OBI1: variants seen among roughly 807,000 people sequenced by gnomAD.
OBI1 encodes ORC ubiquitin ligase 1, also known as ring finger protein 219.
OBI1 carries 59 observed loss-of-function variants against 62.4 expected under a neutral mutation model. The observed-to-expected ratio is 0.95, with a 90% confidence interval of 0.77 to 1.17. OBI1 has a LOEUF of 1.17. OBI1 is among the 50% of genes most tolerant of loss of function. The pLI is 0.00. For missense variants in OBI1, 875 were observed against 830.9 expected (o/e 1.05, Z -0.65); for synonymous variants, 302 against 292.8 (o/e 1.03, Z -0.32).
intron 1 of OBI1, among the ~76,000 whole-genome samples, chr13:78,648,804 T>C (rs1278469991): frequency 1.3e-5 from 2 of 151,848 alleles, no homozygotes; most frequent in Non-Finnish European, 2.9e-5. Flanking sequence ...TCCCAGCTAC[T>C]TGGGAGGCTG....
chr13:78,656,036 A>T (rs1219092567), intron 1 of OBI1, among the ~76,000 whole-genome samples: 1 of 152,230 alleles, frequency 6.6e-6, no homozygotes, highest in Non-Finnish European at 1.5e-5. Flanking sequence ...TTGGGAATGC[A>T]AATCTTCATT....
At chr13:78,621,838 G>GC (rs1875522108) in intron 5 of OBI1, among the ~76,000 whole-genome samples, 1 of 152,150 alleles carries the variant, frequency 6.6e-6, no homozygotes, top group Non-Finnish European at 1.5e-5. Flanking sequence ...GAGAGCAAAC[G>GC]ATAAAATGCT....
At chr13:78,638,586 T>C (rs1222316775) in intron 4 of OBI1, among the ~76,000 whole-genome samples, 1 of 152,212 alleles carries the variant, frequency 6.6e-6, no homozygotes, top group South Asian at 2.1e-4. Flanking sequence ...TGCAATCTTA[T>C]ACAGAAGCAC....
At chr13:78,621,625 T>C (rs559744284) in intron 5 of OBI1, among the ~76,000 whole-genome samples, 2 of 152,374 alleles carry the variant, frequency 1.3e-5, no homozygotes, top group Admixed American at 6.5e-5. Context: ...AATGTAGTTA[T>C]GGAAGAAATC....
Position 78,616,184 on chromosome 13 carries a change from C to T in OBI1, c.1577G>A (p.Ser526Asn), listed in dbSNP as rs370680484. Residue 526 changes from serine to asparagine, a missense_variant, in exon 6 of 6, where the codon AGT becomes AAT. Physicochemically the swap from Ser to Asn is conservative, Grantham distance 46. Coordinates refer to ENST00000282003, the MANE Select transcript of OBI1 (RefSeq NM_024546.4). The part of the protein sequence containing the change: ...SFEMNRTRTS[S>N]EASMDAAYLD... ...GTAAGCAGCATCCATCGATGCTTCA[C>T]TGGATGTTCTTGTCCGGTTCATTTC... The T allele has an allele frequency of 8.7e-6, 14 of 1,613,964 alleles. No individual in the cohort carries two copies. Among genetic ancestry groups the T allele is most frequent in the African/African-American group, 1.3e-5 (1 of 74,922 alleles).
intron 5 of OBI1, among the ~76,000 whole-genome samples, chr13:78,628,543 T>C (rs2137438622): frequency 6.6e-6 from 1 of 152,264 alleles, no homozygotes; most frequent in Admixed American, 6.5e-5. Context: ...AGAAACAAAG[T>C]CTAGTAGAAC....
chr13:78,632,528 C>T (rs1875885570), intron 5 of OBI1, among the ~76,000 whole-genome samples: 1 of 152,116 alleles, frequency 6.6e-6, no homozygotes, highest in South Asian at 2.1e-4. Context: ...AAAAAGTATA[C>T]CCTGACACCT....
intron 5 of OBI1, among the ~76,000 whole-genome samples, chr13:78,619,458 A>G (rs1875439325): frequency 6.6e-6 from 1 of 151,910 alleles, no homozygotes; most frequent in African/African-American, 2.4e-5. Flanking sequence ...AGCAGATCAC[A>G]TATGAGAGGC....
chr13:78,657,671 A>G (rs1018231343), intron 1 of OBI1, among the ~76,000 whole-genome samples: 1 of 152,222 alleles, frequency 6.6e-6, no homozygotes, highest in African/African-American at 2.4e-5. Context: ...ACAGCCTATA[A>G]CTAATGGAAA....
chr13:78,645,094 A>T, intron 1 of OBI1, 97 bp from the exon 2 acceptor site: 1 of 1,204,694 alleles, frequency 8.3e-7, no homozygotes, highest in Non-Finnish European at 1.2e-6. Context: ...AGATTATAGC[A>T]GAGTAGGAGT....
chr13:78,644,895 T>TG lies in OBI1; in HGVS notation c.174dup (p.Ile59HisfsTer4). Reference sequence around the variant, plus strand: ...TCTTTGCAAGGATTTTCAGGAGTGATGGGGACTCTGCAAGCTGGACACTGG... The same window carrying TG: ...TCTTTGCAAGGATTTTCAGGAGTGATGGGGGACTCTGCAAGCTGGACACTGG... On this transcript the variant is annotated frameshift_variant, in exon 2 of 6. Coordinates refer to ENST00000282003, the MANE Select transcript of OBI1 (RefSeq NM_024546.4). LOFTEE classifies it high-confidence loss of function. 1 of 1,614,074 alleles carries TG rather than the reference T, an allele frequency of 6.2e-7. No individual in the cohort carries two copies. Among genetic ancestry groups the TG allele is most frequent in the Non-Finnish European group, 8.5e-7 (1 of 1,179,968 alleles).
intron 4 of OBI1, among the ~76,000 whole-genome samples, chr13:78,638,357 A>G (rs1272129617): frequency 6.6e-6 from 1 of 152,240 alleles, no homozygotes; most frequent in Non-Finnish European, 1.5e-5. Context: ...ATTAGTCACC[A>G]AGTCTTTATC....
Position 78,615,989 on chromosome 13 carries a change from A to G in OBI1, c.1772T>C (p.Leu591Pro). 1.9e-6 allele frequency: 3 copies of G among 1,614,086 alleles called. No individual in the cohort carries two copies. Among genetic ancestry groups the G allele is most frequent in the Non-Finnish European group, 2.5e-6 (3 of 1,180,014 alleles). The change falls in exon 6 of 6, where the codon CTT becomes CCT. Residue 591 changes from leucine to proline, a missense_variant. By Grantham distance (98) the Leu-to-Pro change is moderately conservative. Transcript: ENST00000282003. ...ATCATTAGTTAGAGAACCTTTGGAAAGGTTTAGCTCAGTTTTTTCTTCCAA... is the reference window on the plus strand; with the variant it reads ...ATCATTAGTTAGAGAACCTTTGGAAGGGTTTAGCTCAGTTTTTTCTTCCAA... ...DKLEEKTELN[L>P]SKGSLTNDQL...
chr13:78,616,154 T>C lies in OBI1; in HGVS notation c.1607A>G (p.Asp536Gly). The C allele has an allele frequency of 6.2e-7, 1 of 1,614,160 alleles. No homozygotes were observed. Among genetic ancestry groups the C allele is most frequent in the Admixed American group, 1.7e-5 (1 of 60,034 alleles). Reference sequence around the variant, plus strand: ...CATTGAATCCAACTCAGAGATTTTGTCAAGGTAAGCAGCATCCATCGATGC... The same window carrying C: ...CATTGAATCCAACTCAGAGATTTTGCCAAGGTAAGCAGCATCCATCGATGC... Reference protein sequence around the residue: ...SEASMDAAYLDKISELDSMMS... With the variant: ...SEASMDAAYLGKISELDSMMS... The change falls in exon 6 of 6, where the codon GAC becomes GGC. Residue 536 changes from aspartate to glycine, a missense_variant. Transcript: ENST00000282003.
intron 2 of OBI1, among the ~76,000 whole-genome samples, chr13:78,643,842 T>C (rs1329374302): frequency 6.6e-6 from 1 of 152,198 alleles, no homozygotes; most frequent in East Asian, 1.9e-4. Flanking sequence ...ACTATTACAA[T>C]GACTTCTTAA....
Position 78,623,370 on chromosome 13 carries a change from AATG to A in OBI1, c.639-6251_639-6249del, listed in dbSNP as rs137988842. 8.9e-3 allele frequency among the ~76,000 whole-genome samples: 1,355 copies of A among 152,212 alleles called. 19 individuals carry two copies. The highest frequency in any genetic ancestry group is 0.03 in the African/African-American group (1,252 of 41,536). ...CACTGCATAACTGACTACTATTGACAATGATGATGACAAAAAGAAAAGCAGCTG... is the reference window on the plus strand; with the variant it reads ...CACTGCATAACTGACTACTATTGACAATGATGACAAAAAGAAAAGCAGCTG... On this transcript the variant is annotated intron_variant, in intron 5 of 5. Coordinates refer to ENST00000282003, the MANE Select transcript of OBI1 (RefSeq NM_024546.4).
At chr13:78,631,597 G>A (rs1012722100) in intron 5 of OBI1, among the ~76,000 whole-genome samples, 3 of 152,092 alleles carry the variant, frequency 2.0e-5, no homozygotes, top group African/African-American at 7.2e-5. Context: ...CCAAACAGGT[G>A]GTTTCCTCCA....
At chr13:78,657,183 G>T (rs1181957215) in intron 1 of OBI1, among the ~76,000 whole-genome samples, 2 of 151,928 alleles carry the variant, frequency 1.3e-5, no homozygotes, top group African/African-American at 4.8e-5. Flanking sequence ...AATGAAGCAT[G>T]TGCAAAGTTT....
intron 5 of OBI1, among the ~76,000 whole-genome samples, chr13:78,618,551 T>C (rs1326554767): frequency 6.6e-6 from 1 of 152,086 alleles, no homozygotes; most frequent in African/African-American, 2.4e-5. Flanking sequence ...TGCACTCTTA[T>C]CACTGAAGGA....
Sources: allele counts gnomAD v4.1 joint callset (sites outside exome capture counted in the v4.1 genomes callset), GRCh38; gene constraint gnomAD v4.1.1; transcripts MANE v1.5; gene names NCBI Gene and HGNC (gene_info 2026-07-23, HGNC 2026-07-21).